FOXJ2: variants seen among roughly 807,000 people sequenced by gnomAD.
FOXJ2 encodes the protein forkhead box protein J2.
A neutral mutation model predicts 68.4 loss-of-function variants in FOXJ2; 18 were observed. The ratio of observed to expected loss-of-function variants is 0.26; its 90% CI spans 0.18 to 0.39. The LOEUF (loss-of-function observed/expected upper bound fraction) is 0.39, where lower values mean the gene tolerates loss of function less well. Ranked by LOEUF, FOXJ2 falls within the 10% of genes least tolerant of loss-of-function variation. The probability of loss-of-function intolerance (pLI) is 1.00; values close to 1 mark genes in which losing one functional copy is unlikely to be tolerated. For missense variants in FOXJ2, 670 were observed against 726.5 expected (o/e 0.92, Z 0.89); for synonymous variants, 274 against 263.2 (o/e 1.04, Z -0.40).
chr12:8,049,248 GC>G, intron 8 of FOXJ2, 113 bp from the exon 9 acceptor site: 1 of 754,848 alleles, frequency 1.3e-6, no homozygotes, highest in South Asian at 1.8e-5. Flanking sequence ...TATTGTTAGT[GC>G]CCGTTATCAG....
chr12:8,036,900 C>A (rs1946903569), intron 1 of FOXJ2, among the ~76,000 whole-genome samples: 2 of 152,034 alleles, frequency 1.3e-5, no homozygotes, highest in South Asian at 4.2e-4. Context: ...ACCAGCCAGG[C>A]CAACATGGTG....
intron 10 of FOXJ2, among the ~76,000 whole-genome samples, chr12:8,050,870 TTCCCTTCCCC>T (rs1947110562): frequency 1.4e-5 from 1 of 71,338 alleles, no homozygotes; most frequent in Non-Finnish European, 2.6e-5. Flanking sequence ...TCCCTTCCCC[TTCCCTTCCCC>T]TTCCCTTCCC....
chr12:8,049,672 G>C, intron 9 of FOXJ2, 101 bp downstream of exon 9: 1 of 1,125,620 alleles, frequency 8.9e-7, no homozygotes, highest in Non-Finnish European at 1.2e-6. Context: ...TTATGGGGCA[G>C]TGACCCAAAT....
intron 10 of FOXJ2, 102 bp from the exon 11 acceptor site, chr12:8,052,660 G>C: frequency 1.1e-6 from 1 of 949,012 alleles, no homozygotes; most frequent in Non-Finnish European, 1.6e-6. Flanking sequence ...GCCTCACAAG[G>C]CCTTCTTCGT....
rs1172106741 is a variant in FOXJ2, at chr12:8,052,767, C to A, written c.1642C>A (p.His548Asn). 1.2e-6 allele frequency: 2 copies of A among 1,608,778 alleles called. No individual in the cohort carries two copies. Among genetic ancestry groups the A allele is most frequent in the South Asian group, 1.1e-5 (1 of 90,234 alleles). Residue 548 changes from histidine to asparagine, a missense_variant, in exon 11 of 11, where the codon CAT (histidine) becomes AAT (asparagine). His to Asn is a moderately conservative substitution (Grantham distance 68, BLOSUM62 1). Coordinates refer to ENST00000162391, the MANE Select transcript of FOXJ2 (RefSeq NM_018416.3). Reference sequence around the variant, plus strand: ...TCTTTCTTTCTTTCTAACAGCACACCATATGGTCCCTCGGCCATCAGTGCC... The same window carrying A: ...TCTTTCTTTCTTTCTAACAGCACACAATATGGTCCCTCGGCCATCAGTGCC... ...DSAGYNRPAHHMVPRPSVPPP... is the reference protein window; with the variant it reads ...DSAGYNRPAHNMVPRPSVPPP...
rs936896831 is a variant in FOXJ2, at chr12:8,040,422, ATCT to A, written c.333+262_333+264del. 2.0e-5 allele frequency among the ~76,000 whole-genome samples: 3 copies of A among 150,252 alleles called. No homozygotes were observed. The highest frequency in any genetic ancestry group is 4.4e-5 in the Non-Finnish European group (3 of 67,618). On this transcript the variant is annotated intron_variant, in intron 2 of 10. Transcript: ENST00000162391. This position sits in a 1 kb window ranked among gnomAD's most constrained non-coding sequence, Gnocchi z 4.0. ...ACGCTGTTGCTCATCACACCCTCTT[ATCT>A]TCTTTTTTTTTTTTGAGACAGAGTC...
intron 2 of FOXJ2, among the ~76,000 whole-genome samples, chr12:8,041,376 TG>T (rs1946962371): frequency 6.6e-6 from 1 of 151,900 alleles, no homozygotes; most frequent in Admixed American, 6.6e-5. Flanking sequence ...TAATTTTTTT[TG>T]TATTTTTAAT....
In FOXJ2 at chr12:8,039,802, C is replaced by T. The variant is rs1390743232; in HGVS notation, c.-14-17C>T. On this transcript the variant is annotated splice_polypyrimidine_tract_variant and intron_variant, in intron 1 of 10. Coordinates refer to ENST00000162391, the MANE Select transcript of FOXJ2 (RefSeq NM_018416.3). ...CTTGCCCCCAGTATTTTCGTCTCCT[C>T]TTTGTCTTCTCTGCAGAACCCAGAA... The T allele has an allele frequency of 6.3e-7, 1 of 1,587,486 alleles. No homozygotes were observed. Among genetic ancestry groups the T allele is most frequent in the Non-Finnish European group, 8.6e-7 (1 of 1,164,450 alleles).
chr12:8,054,590 C>T lies in FOXJ2; in HGVS notation c.*1740C>T, dbSNP rs1418016320. 6.6e-6 allele frequency: 1 copy of T among 152,598 alleles called. No homozygotes were observed. Among genetic ancestry groups the T allele is most frequent in the African/African-American group, 2.4e-5 (1 of 41,432 alleles). 9.5% of individuals were successfully genotyped at this position (152,598 alleles called of 1,614,324 possible). On this transcript the variant is annotated 3_prime_UTR_variant, in exon 11 of 11. Coordinates refer to ENST00000162391, the MANE Select transcript of FOXJ2 (RefSeq NM_018416.3). ...GCTGAAGTAAAGGGGCAAGATAGGG[C>T]AGTTAACTAAAGAGCACTTTATTTC...
Position 8,048,193 on chromosome 12 carries a change from C to CCCCA in FOXJ2, c.1130_1131insCCAC (p.Gln379SerfsTer36). ...CCCGCTGCAGCATGGAGGCTACCAC[C>CCCCA]CTCATCAGCACCATCCCCACTCCCA... On this transcript the variant is annotated frameshift_variant, in exon 7 of 11. Coordinates refer to ENST00000162391, the MANE Select transcript of FOXJ2 (RefSeq NM_018416.3). LOFTEE classifies it high-confidence loss of function. 6.2e-7 allele frequency: 1 copy of CCCCA among 1,613,730 alleles called. No homozygotes were observed. Among genetic ancestry groups the CCCCA allele is most frequent in the Non-Finnish European group, 8.5e-7 (1 of 1,179,810 alleles).
At chr12:8,042,601 G>C in intron 2 of FOXJ2, 57 bp from the exon 3 acceptor site, 1 of 1,460,656 alleles carries the variant, frequency 6.8e-7, no homozygotes. Context: ...GTGTTCTATT[G>C]GAAAATGTTC....
intron 9 of FOXJ2, 143 bp from the exon 10 acceptor site, chr12:8,050,379 C>A: frequency 7.1e-7 from 1 of 1,406,600 alleles, no homozygotes; most frequent in Non-Finnish European, 9.2e-7. Flanking sequence ...CTGCAGAAAG[C>A]CTTCATGCCT....
intron 1 of FOXJ2, among the ~76,000 whole-genome samples, chr12:8,039,336 C>T (rs541338345): frequency 3.3e-5 from 5 of 151,942 alleles, no homozygotes; most frequent in African/African-American, 7.2e-5. Context: ...GTGCTTCATC[C>T]GTGTATGTTT....
In FOXJ2 at chr12:8,049,432, G is replaced by C. The variant is rs1947084388; in HGVS notation, c.1398G>C (p.Leu466=). ...TCGACCAGCATCACATTGCCAATCT[G>C]TGTGACTCCCTCAACCACTTCCTTA... ...WTLDQHHIAN[L]CDSLNHFLTQ... is the part of the protein sequence containing the mutation. The change falls in exon 9 of 11, where the codon CTG becomes CTC. Residue 466 remains leucine, a synonymous_variant. Transcript: ENST00000162391. 6.2e-7 allele frequency: 1 copy of C among 1,614,062 alleles called. No homozygotes were observed. The highest frequency in any genetic ancestry group is 1.7e-5 in the Admixed American group (1 of 60,002).
intron 6 of FOXJ2, among the ~76,000 whole-genome samples, chr12:8,046,752 C>T (rs940930819): frequency 1.3e-5 from 2 of 152,118 alleles, no homozygotes; most frequent in Non-Finnish European, 2.9e-5. Flanking sequence ...TGCAGTAGCC[C>T]TATGTTGGCA....
At position 8,043,977 on chromosome 12, in the gene FOXJ2, G is replaced by A. The variant is rs1371229829; in HGVS notation, c.504G>A (p.Glu168=). 1.6e-5 allele frequency: 25 copies of A among 1,568,260 alleles called. No homozygotes were observed. The highest frequency in any genetic ancestry group is 2.2e-5 in the Non-Finnish European group (25 of 1,160,822). Residue 168 remains glutamate (E), a synonymous_variant, in exon 5 of 11, where the codon GAG becomes GAA. Coordinates refer to ENST00000162391, the MANE Select transcript of FOXJ2 (RefSeq NM_018416.3). ...TGTCCCAAGACTCACCAGAACAGGA[G>A]GCAAGCAAGAGCCCACGGGGAGGCG... ...DDLSQDSPEQ[E]ASKSPRGGVA...
chr12:8,046,239 AAC>A (rs1291435611), intron 6 of FOXJ2, among the ~76,000 whole-genome samples: 5 of 152,316 alleles, frequency 3.3e-5, no homozygotes, highest in Middle Eastern at 6.8e-3. Context: ...TCATTGTGAG[AAC>A]AGTTTCTTTT....
chr12:8,037,284 G>C (rs10846377), intron 1 of FOXJ2, among the ~76,000 whole-genome samples: 1 of 151,674 alleles, frequency 6.6e-6, no homozygotes, highest in South Asian at 2.1e-4. Context: ...AGAACGGTGC[G>C]GAAAGATCAA....
intron 9 of FOXJ2, chr12:8,050,209 C>A: frequency 2.0e-6 from 1 of 490,070 alleles, no homozygotes; most frequent in Non-Finnish European, 2.9e-6. Flanking sequence ...CTCTTGGACT[C>A]AAGGGATCTA....
Sources: allele counts gnomAD v4.1 joint callset (sites outside exome capture counted in the v4.1 genomes callset), GRCh38; gene constraint gnomAD v4.1.1; non-coding constraint Gnocchi (gnomAD v3.1); transcripts MANE v1.5; gene names NCBI Gene and HGNC (gene_info 2026-07-23, HGNC 2026-07-21).